HECW1: variants seen among roughly 807,000 people sequenced by gnomAD.
HECW1 encodes the protein HECT, C2 and WW domain containing E3 ubiquitin protein ligase 1.
In HECW1, 61 loss-of-function variants were observed where a neutral mutation model predicts 182.3. That is an observed-to-expected ratio of 0.33 (90% CI 0.27 to 0.41). The LOEUF is 0.41. Among genes scored for constraint, HECW1 ranks in the 10% least tolerant of loss-of-function variants. The probability of loss-of-function intolerance (pLI) is 1.00; values close to 1 mark genes in which losing one functional copy is unlikely to be tolerated. For synonymous variants in HECW1, 859 were observed against 832.6 expected, an observed-to-expected ratio of 1.03 and a Z score of -0.55; for missense variants, 1,739 against 2,108.9, an observed-to-expected ratio of 0.82 and a Z score of 3.44.
At chr7:43,434,104 C>T (rs2076635167) in intron 8 of HECW1, among the ~76,000 whole-genome samples, 1 of 152,146 alleles carries the variant, frequency 6.6e-6, no homozygotes, top group South Asian at 2.1e-4. Context: ...ACCAAGTGGC[C>T]GTTTCTCTGG....
intron 2 of HECW1, among the ~76,000 whole-genome samples, chr7:43,214,530 G>T (rs1796275044): frequency 6.6e-6 from 1 of 152,244 alleles, no homozygotes; most frequent in African/African-American, 2.4e-5. Context: ...TAATTTAGAT[G>T]GCAACGCTAC....
At chr7:43,205,913 C>T (rs1795431438) in intron 2 of HECW1, among the ~76,000 whole-genome samples, 1 of 152,104 alleles carries the variant, frequency 6.6e-6, no homozygotes, top group Non-Finnish European at 1.5e-5. Context: ...ACAGCTGGGC[C>T]CCATCTTCCT....
At chr7:43,380,608 A>G (rs1584703893) in intron 6 of HECW1, among the ~76,000 whole-genome samples, 1 of 151,380 alleles carries the variant, frequency 6.6e-6, no homozygotes, top group South Asian at 2.1e-4. Context: ...GCTCACTGCA[A>G]CCTCCATCTC....
intron 21 of HECW1, among the ~76,000 whole-genome samples, chr7:43,506,259 A>G (rs1264322259): frequency 6.6e-6 from 1 of 152,218 alleles, no homozygotes. Flanking sequence ...CACATGTACT[A>G]AAGTCCTACT....
At chr7:43,507,798 A>C (rs147328892) in intron 22 of HECW1, among the ~76,000 whole-genome samples, 1 of 152,344 alleles carries the variant, frequency 6.6e-6, no homozygotes, top group Admixed American at 6.5e-5. Context: ...CATATGATGG[A>C]ATGCACGAGA....
At chr7:43,481,659 C>T (rs1475424839) in intron 17 of HECW1, among the ~76,000 whole-genome samples, 1 of 152,120 alleles carries the variant, frequency 6.6e-6, no homozygotes, top group Admixed American at 6.6e-5. Flanking sequence ...TTTGCCATAA[C>T]ATGTATGGCA....
chr7:43,536,905 G>T (rs2081196139), intron 24 of HECW1, among the ~76,000 whole-genome samples: 1 of 152,210 alleles, frequency 6.6e-6, no homozygotes, highest in South Asian at 2.1e-4. Context: ...CTGAGCACAG[G>T]CCAGGAAAAA....
Position 43,521,467 on chromosome 7 carries a change from T to C in HECW1, c.4019+12346T>C, listed in dbSNP as rs148684467. Among the ~76,000 whole-genome samples, 1,240 of 152,336 alleles carry C rather than the reference T, an allele frequency of 8.1e-3. 21 individuals carry two copies. The highest frequency in any genetic ancestry group is 0.029 in the African/African-American group (1,192 of 41,578). Reference sequence around the variant, plus strand: ...AGGATTAAAAGTATTTCTGTAGGCCTAGAGTTTTAGGAAAACATTTTCAGC... The same window carrying C: ...AGGATTAAAAGTATTTCTGTAGGCCCAGAGTTTTAGGAAAACATTTTCAGC... On this transcript the variant is annotated intron_variant, in intron 24 of 29. Coordinates refer to ENST00000395891, the MANE Select transcript of HECW1 (RefSeq NM_015052.5).
rs186555160 is a variant in HECW1 at position 43,175,616 on chromosome 7, C to G, written c.-32+61225C>G. On this transcript the variant is annotated intron_variant, in intron 2 of 29. Coordinates refer to ENST00000395891, the MANE Select transcript of HECW1 (RefSeq NM_015052.5). ...CTTTATAAGCACCACAAATAACTGT[C>G]AAAAATGCAACCAATGTGAAGGCAA... is the stretch of plus-strand genomic sequence containing the variant. Among the ~76,000 whole-genome samples the G allele has an allele frequency of 1.7e-3, 263 of 152,258 alleles. 2 individuals carry two copies. Among genetic ancestry groups the G allele is most frequent in the African/African-American group, 6.0e-3 (249 of 41,538 alleles).
intron 5 of HECW1, among the ~76,000 whole-genome samples, chr7:43,325,863 A>ATCATTCCC (rs1810703892): frequency 6.6e-6 from 1 of 152,154 alleles, no homozygotes; most frequent in Non-Finnish European, 1.5e-5. Context: ...CTGTGGTCTC[A>ATCATTCCC]TCATTCCCTG....
At chr7:43,131,013 C>A (rs985030133) in intron 2 of HECW1, among the ~76,000 whole-genome samples, 2 of 152,112 alleles carry the variant, frequency 1.3e-5, no homozygotes, top group Non-Finnish European at 2.9e-5. Flanking sequence ...GACCTGTAAT[C>A]CTAACACTTT....
chr7:43,126,031 A>G (rs895544999), intron 2 of HECW1, among the ~76,000 whole-genome samples: 1 of 150,032 alleles, frequency 6.7e-6, no homozygotes, highest in Non-Finnish European at 1.5e-5. Context: ...AAATCCATGT[A>G]AATGCAAGGC....
intron 8 of HECW1, among the ~76,000 whole-genome samples, chr7:43,428,199 T>C (rs1755131172): frequency 6.6e-6 from 1 of 152,224 alleles, no homozygotes; most frequent in Non-Finnish European, 1.5e-5. Context: ...TCCATCACTA[T>C]AACGTAATCC....
chr7:43,302,827 A>G (rs541177550), intron 3 of HECW1, among the ~76,000 whole-genome samples: 64 of 152,294 alleles, frequency 4.2e-4, no homozygotes, highest in African/African-American at 1.4e-3. Flanking sequence ...TGAGGAAGAA[A>G]CAGTATTTCC....
chr7:43,553,468 A>G (rs749877110), intron 28 of HECW1, among the ~76,000 whole-genome samples: 8 of 152,126 alleles, frequency 5.3e-5, no homozygotes, highest in African/African-American at 9.7e-5. Context: ...GCTTGAACTC[A>G]TAAGTTCGAG....
At chr7:43,278,582 G>C (rs1028764489) in intron 3 of HECW1, among the ~76,000 whole-genome samples, 1 of 151,966 alleles carries the variant, frequency 6.6e-6, no homozygotes, top group Admixed American at 6.6e-5. Context: ...CATGGCCTCC[G>C]AGGCTCTATG....
chr7:43,508,800 T>G lies in HECW1; in HGVS notation c.3867-169T>G. ...TCCAAACCAATTACTGCATCCTCAT[T>G]TTCTACAGCAAATTGATGCTGCCAT... On this transcript the variant is annotated intron_variant, in intron 23 of 29. Coordinates refer to ENST00000395891, the MANE Select transcript of HECW1 (RefSeq NM_015052.5). 6.0e-6 allele frequency: 4 copies of G among 670,574 alleles called. No individual in the cohort carries two copies. In the South Asian group the frequency reaches 7.7e-5, roughly 13 times the overall value. 41.5% of individuals were successfully genotyped at this position (670,574 alleles called of 1,614,324 possible). A position where few individuals can be genotyped will look rare whatever the true frequency, so the allele number is the denominator to read the frequency against.
intron 6 of HECW1, among the ~76,000 whole-genome samples, chr7:43,371,364 C>T (rs368736614): frequency 1.3e-5 from 2 of 152,030 alleles, no homozygotes; most frequent in Non-Finnish European, 2.9e-5. Flanking sequence ...TTATGTGGAA[C>T]GTTGGTAGTT....
chr7:43,362,730 A>G (rs1316623058), intron 6 of HECW1, among the ~76,000 whole-genome samples: 1 of 152,260 alleles, frequency 6.6e-6, no homozygotes, highest in Non-Finnish European at 1.5e-5. Flanking sequence ...CAGAGCAGGA[A>G]GGCACTGAGC....
Sources: allele counts gnomAD v4.1 joint callset (sites outside exome capture counted in the v4.1 genomes callset), GRCh38; gene constraint gnomAD v4.1.1; transcripts MANE v1.5; gene names NCBI Gene and HGNC (gene_info 2026-07-23, HGNC 2026-07-21).